The following MTX2 variants were observed in gnomAD, a reference collection of about 807,000 sequenced individuals.
MTX2 encodes the protein metaxin-2.
A neutral mutation model predicts 42.3 loss-of-function variants in MTX2; 35 were observed. That is an observed-to-expected ratio of 0.83 (90% CI 0.63 to 1.10). The LOEUF is 1.10. Ranked by LOEUF, MTX2 falls within the 50% of genes least tolerant of loss-of-function variation. MTX2 has a pLI of 0.00. For synonymous variants in MTX2, 119 were observed against 100.9 expected (o/e 1.18, Z -1.08); for missense variants, 307 against 304.1 (o/e 1.01, Z -0.07).
chr2:176,300,592 C>T (rs1195772038), intron 3 of MTX2, among the ~76,000 whole-genome samples: 1 of 152,032 alleles, frequency 6.6e-6, no homozygotes, highest in Non-Finnish European at 1.5e-5. Flanking sequence ...ACAATATGAG[C>T]AAATACATAT....
chr2:176,324,861 A>T (rs1466734122), intron 4 of MTX2, among the ~76,000 whole-genome samples: 1 of 151,740 alleles, frequency 6.6e-6, no homozygotes, highest in African/African-American at 2.4e-5. Context: ...TTTAAACTTT[A>T]TCATATCTCA....
chr2:176,327,680 A>G (rs1306690888), intron 5 of MTX2, among the ~76,000 whole-genome samples: 3 of 149,078 alleles, frequency 2.0e-5, no homozygotes, highest in African/African-American at 7.3e-5. Flanking sequence ...TTTTGTTTTT[A>G]TAGAGTACTA....
At chr2:176,326,390 G>T (rs1412343733) in intron 4 of MTX2, among the ~76,000 whole-genome samples, 1 of 151,444 alleles carries the variant, frequency 6.6e-6, no homozygotes, top group African/African-American at 2.4e-5. Flanking sequence ...GATGTAAAAA[G>T]GTTTTTTAAA....
At chr2:176,326,391 G>GT (rs917490563) in intron 4 of MTX2, among the ~76,000 whole-genome samples, 7 of 151,586 alleles carry the variant, frequency 4.6e-5, no homozygotes, top group African/African-American at 1.7e-4. Flanking sequence ...ATGTAAAAAG[G>GT]TTTTTTAAAT....
At position 176,269,465 on chromosome 2, in the gene MTX2, AC is replaced by A. The variant is rs1187052624; in HGVS notation, c.-163del. On this transcript the variant is annotated 5_prime_UTR_variant, in exon 1 of 10. Coordinates refer to ENST00000249442, the MANE Select transcript of MTX2 (RefSeq NM_006554.5). ...AAGTCCCTAGCCAGGCCTGGCGGTA[AC>A]CTTGGGGGCCTCACTGCAGCCGCCG... 1 of 705,726 alleles carries A rather than the reference AC, an allele frequency of 1.4e-6. No homozygotes were observed. Among genetic ancestry groups the A allele is most frequent in the Non-Finnish European group, 2.2e-6 (1 of 460,774 alleles). The allele number at this position is 705,726 out of a possible 1,614,324, so 43.7% of individuals were successfully genotyped here.
chr2:176,284,491 G>A (rs542745941), intron 1 of MTX2, among the ~76,000 whole-genome samples: 1 of 152,284 alleles, frequency 6.6e-6, no homozygotes, highest in Admixed American at 6.5e-5. Context: ...GTCACAGATA[G>A]ATATCACAAC....
intron 3 of MTX2, among the ~76,000 whole-genome samples, chr2:176,306,123 T>G (rs1434482584): frequency 1.3e-5 from 2 of 151,910 alleles, no homozygotes; most frequent in East Asian, 3.9e-4. Context: ...GTCGAAGTGA[T>G]CTCATTGTTC....
chr2:176,305,644 T>C (rs1454985325), intron 3 of MTX2, among the ~76,000 whole-genome samples: 1 of 152,172 alleles, frequency 6.6e-6, no homozygotes, highest in African/African-American at 2.4e-5. Context: ...GGAAAGCTTA[T>C]ATCTTTCTCT....
chr2:176,321,946 G>T (rs188167912), intron 3 of MTX2, among the ~76,000 whole-genome samples: 1 of 151,082 alleles, frequency 6.6e-6, no homozygotes, highest in East Asian at 1.9e-4. Flanking sequence ...AAGATGAATT[G>T]TGGGAAAATG....
intron 1 of MTX2, among the ~76,000 whole-genome samples, chr2:176,270,891 T>C (rs1692790090): frequency 6.6e-6 from 1 of 152,186 alleles, no homozygotes; most frequent in Non-Finnish European, 1.5e-5. Flanking sequence ...CAAGCAATGA[T>C]TATTTCTGCT....
intron 3 of MTX2, among the ~76,000 whole-genome samples, chr2:176,299,927 A>T (rs1179236102): frequency 6.6e-6 from 1 of 151,876 alleles, no homozygotes; most frequent in African/African-American, 2.4e-5. Flanking sequence ...TATACCCCCA[A>T]AACTAAGTGA....
At chr2:176,281,560 G>T (rs533151792) in intron 1 of MTX2, among the ~76,000 whole-genome samples, 9 of 152,266 alleles carry the variant, frequency 5.9e-5, no homozygotes, top group African/African-American at 2.2e-4. Flanking sequence ...ACTCTCAATT[G>T]TCCTGCAGCA....
At chr2:176,337,090 G>C (rs1685007714) in intron 9 of MTX2, among the ~76,000 whole-genome samples, 1 of 152,116 alleles carries the variant, frequency 6.6e-6, no homozygotes, top group African/African-American at 2.4e-5. Context: ...CAATCTAAAT[G>C]ATATGCAGTA....
At chr2:176,316,146 A>T (rs1360546321) in intron 3 of MTX2, among the ~76,000 whole-genome samples, 1 of 152,160 alleles carries the variant, frequency 6.6e-6, no homozygotes, top group Non-Finnish European at 1.5e-5. Context: ...TCTTTCTGGC[A>T]AGTTAGCTCA....
intron 1 of MTX2, among the ~76,000 whole-genome samples, chr2:176,282,124 T>TA (rs1693090670): frequency 8.0e-6 from 1 of 124,668 alleles, no homozygotes; most frequent in African/African-American, 3.1e-5. Flanking sequence ...AGAGTTACAG[T>TA]AGTTTTTTTT....
intron 1 of MTX2, among the ~76,000 whole-genome samples, chr2:176,292,984 GTAACAGCA>G (rs1261323705): frequency 6.6e-6 from 1 of 152,176 alleles, no homozygotes; most frequent in African/African-American, 2.4e-5. Context: ...AATATTGTGT[GTAACAGCA>G]TACAAAACTA....
At chr2:176,283,832 G>A (rs900926544) in intron 1 of MTX2, among the ~76,000 whole-genome samples, 3 of 152,050 alleles carry the variant, frequency 2.0e-5, no homozygotes, top group Non-Finnish European at 2.9e-5. Context: ...AGTTGTGTGG[G>A]GCTGTTTTTG....
At chr2:176,306,793 G>A (rs1423230151) in intron 3 of MTX2, among the ~76,000 whole-genome samples, 2 of 152,042 alleles carry the variant, frequency 1.3e-5, no homozygotes, top group Non-Finnish European at 2.9e-5. Flanking sequence ...GTTCTTTGTA[G>A]ATTCTGGATA....
At chr2:176,330,563 G>A (rs1356257267) in intron 8 of MTX2, 21 bp from the exon 9 acceptor site, 2 of 1,504,592 alleles carry the variant, frequency 1.3e-6, no homozygotes, top group African/African-American at 1.4e-5. Context: ...ACTTTTCCTT[G>A]GGGTTCATTG....
Sources: allele counts gnomAD v4.1 joint callset (sites outside exome capture counted in the v4.1 genomes callset), GRCh38; gene constraint gnomAD v4.1.1; transcripts MANE v1.5; gene names NCBI Gene and HGNC (gene_info 2026-07-23, HGNC 2026-07-21).